Variants in CD69 observed in about 807,000 individuals in gnomAD.
CD69 encodes the protein CD69 molecule, also known as early activation antigen CD69.
CD69 carries 10 observed loss-of-function variants against 21.4 expected under a neutral mutation model. The observed-to-expected ratio is 0.47, with a 90% CI of 0.29 to 0.79. CD69 has a LOEUF of 0.79. CD69 is among the 30% of genes least tolerant of loss of function. CD69 has a pLI of 0.09. For missense variants in CD69, 204 were observed against 236.9 expected, an observed-to-expected ratio of 0.86 and a Z score of 0.91; for synonymous variants, 63 against 78.2, an observed-to-expected ratio of 0.81 and a Z score of 1.03.
At chr12:9,755,728 A>G (rs963809820) in intron 2 of CD69, among the ~76,000 whole-genome samples, 27 of 152,250 alleles carry the variant, frequency 1.8e-4, no homozygotes, top group African/African-American at 6.5e-4. Context: ...CATATGACTC[A>G]GAATATCTCA....
At chr12:9,759,365 C>G (rs1866711875) in intron 1 of CD69, among the ~76,000 whole-genome samples, 1 of 152,064 alleles carries the variant, frequency 6.6e-6, no homozygotes, top group African/African-American at 2.4e-5. Context: ...GGATAACGTC[C>G]AAGGATGACT....
chr12:9,753,633 T>A (rs756958231), intron 4 of CD69, 44 bp from the exon 5 acceptor site: 1 of 925,778 alleles, frequency 1.1e-6, no homozygotes, highest in African/African-American at 1.7e-5. Flanking sequence ...CAGCTCATTG[T>A]TTTCATTCAG....
intron 4 of CD69, chr12:9,754,158 C>T (rs992945969): frequency 1.3e-5 from 2 of 154,638 alleles, no homozygotes; most frequent in South Asian, 2.0e-4. Flanking sequence ...TGTATAGAAA[C>T]TCATAATTAG....
chr12:9,759,188 C>G (rs1180005079), intron 1 of CD69, among the ~76,000 whole-genome samples: 1 of 152,166 alleles, frequency 6.6e-6, no homozygotes, highest in South Asian at 2.1e-4. Flanking sequence ...CTCGGCCTCC[C>G]AAAGTGCTGG....
intron 4 of CD69, among the ~76,000 whole-genome samples, chr12:9,753,815 G>T (rs920608411): frequency 3.9e-5 from 6 of 152,156 alleles, no homozygotes; most frequent in African/African-American, 1.4e-4. Flanking sequence ...CCATTCATTT[G>T]GTTGGCATGG....
chr12:9,760,890 C>G lies in CD69; in HGVS notation c.-70G>C, dbSNP rs1866728706. ...TACAGTGAAAGTCTTTGCTGGAGCT[C>G]TTGTTGAGTCTGTGAGGCTCTGAGG... On this transcript the variant is annotated 5_prime_UTR_variant, in exon 1 of 5. Transcript: ENST00000228434. 2 of 1,268,810 alleles carry G rather than the reference C, an allele frequency of 1.6e-6. No homozygotes were observed. The highest frequency in any genetic ancestry group is 2.3e-6 in the Non-Finnish European group (2 of 875,316). The allele number at this position is 1,268,810 out of a possible 1,614,324, so 78.6% of individuals were successfully genotyped here. A position where few individuals can be genotyped will look rare whatever the true frequency, so the allele number is the denominator to read the frequency against.
chr12:9,760,883 T>G lies in CD69; in HGVS notation c.-63A>C. On this transcript the variant is annotated 5_prime_UTR_variant, in exon 1 of 5. Coordinates refer to ENST00000228434, the MANE Select transcript of CD69 (RefSeq NM_001781.2). ...GTCAAGCTACAGTGAAAGTCTTTGC[T>G]GGAGCTCTTGTTGAGTCTGTGAGGC... The G allele has an allele frequency of 1.5e-6, 2 of 1,367,630 alleles. No individual in the cohort carries two copies. The highest frequency in any genetic ancestry group is 2.1e-6 in the Non-Finnish European group (2 of 964,058). 84.7% of individuals were successfully genotyped at this position (1,367,630 alleles called of 1,614,324 possible). A position where few individuals can be genotyped will look rare whatever the true frequency, so the allele number is the denominator to read the frequency against.
chr12:9,759,528 C>T (rs1371405304), intron 1 of CD69, among the ~76,000 whole-genome samples: 2 of 150,822 alleles, frequency 1.3e-5, no homozygotes, highest in Non-Finnish European at 2.9e-5. Flanking sequence ...GGCGGCACAC[C>T]TGTGCCGTAA....
chr12:9,757,085 A>T (rs764782876), intron 1 of CD69, among the ~76,000 whole-genome samples: 2 of 152,180 alleles, frequency 1.3e-5, no homozygotes, highest in East Asian at 3.9e-4. Context: ...GTCTAAAAAA[A>T]TAAATAAATA....
In CD69 at chr12:9,756,341, A is replaced by G. The variant is rs374227742; in HGVS notation, c.143T>C (p.Val48Ala). The G allele has an allele frequency of 1.5e-5, 25 of 1,613,304 alleles. No homozygotes were observed. Among genetic ancestry groups the G allele is most frequent in the South Asian group, 1.3e-4 (12 of 91,056 alleles). The change falls in exon 2 of 5, where the codon GTG (valine) becomes GCG (alanine). Residue 48 changes from valine to alanine, a missense_variant. By Grantham distance (64) the Val-to-Ala change is moderately conservative. Coordinates refer to ENST00000228434, the MANE Select transcript of CD69 (RefSeq NM_001781.2). ...QVPVLCAVMNVVFITILIIAL... is the reference protein window; with the variant it reads ...QVPVLCAVMNAVFITILIIAL... ...TATGATTAAAATGGTGATGAAGACC[A>G]CATTCATTACAGCACACAGGACAGG...
At chr12:9,759,143 A>G (rs1001914193) in intron 1 of CD69, among the ~76,000 whole-genome samples, 1 of 152,036 alleles carries the variant, frequency 6.6e-6, no homozygotes, top group Non-Finnish European at 1.5e-5. Flanking sequence ...GTTAGCCAGG[A>G]TGGTCTCCAT....
intron 4 of CD69, 172 bp downstream of exon 4, chr12:9,754,413 GAA>G: frequency 2.1e-6 from 1 of 476,230 alleles, no homozygotes; most frequent in Non-Finnish European, 3.8e-6. Context: ...TAAAGAAAAA[GAA>G]TAATAATAAA....
intron 1 of CD69, among the ~76,000 whole-genome samples, chr12:9,758,521 G>C (rs1006816952): frequency 1.3e-5 from 2 of 152,022 alleles, no homozygotes; most frequent in Non-Finnish European, 2.9e-5. Flanking sequence ...AATTTACTGG[G>C]TACTGGTGTC....
intron 1 of CD69, among the ~76,000 whole-genome samples, 177 bp from the exon 2 acceptor site, chr12:9,756,596 A>C (rs1866681477): frequency 1.3e-5 from 2 of 152,288 alleles, no homozygotes; most frequent in Middle Eastern, 3.4e-3. Flanking sequence ...GAATTTGAAT[A>C]GTTTATTGTT....
intron 1 of CD69, among the ~76,000 whole-genome samples, chr12:9,757,971 T>TTA (rs566204306): frequency 1.0e-3 from 158 of 152,070 alleles, no homozygotes; most frequent in Non-Finnish European, 2.0e-3. Flanking sequence ...GATGTTAAAA[T>TTA]AATAGAGGAA....
At chr12:9,759,484 GTTATTA>G (rs57945372) in intron 1 of CD69, among the ~76,000 whole-genome samples, 7 of 148,290 alleles carry the variant, frequency 4.7e-5, no homozygotes, top group Middle Eastern at 7.1e-3. Flanking sequence ...TTATTGAGTA[GTTATTA>G]TTATTATTAT....
chr12:9,755,260 C>T lies in CD69; in HGVS notation c.189G>A (p.Val63=). 6.2e-7 allele frequency: 1 copy of T among 1,612,678 alleles called. No individual in the cohort carries two copies. Residue 63 remains valine (V), a splice_region_variant and synonymous_variant, in exon 3 of 5, where the codon GTG becomes GTA. Coordinates refer to ENST00000228434, the MANE Select transcript of CD69 (RefSeq NM_001781.2). The part of the protein sequence containing the change: ...ILIIALIALS[V]GQYNCPGQYT... ...ATTGGCCTGGACAATTGTATTGGCC[C>T]ACTGTGAACAGAAAAATGCTTTGTT...
chr12:9,760,871 G>A lies in CD69; in HGVS notation c.-51C>T. ...ATCTCAGGTCAAGTCAAGCTACAGT[G>A]AAAGTCTTTGCTGGAGCTCTTGTTG... On this transcript the variant is annotated 5_prime_UTR_variant, in exon 1 of 5. Coordinates refer to ENST00000228434, the MANE Select transcript of CD69 (RefSeq NM_001781.2). The A allele has an allele frequency of 1.4e-6, 2 of 1,457,370 alleles. No homozygotes were observed. The highest frequency in any genetic ancestry group is 9.6e-7 in the Non-Finnish European group (1 of 1,044,608). 90.3% of individuals were successfully genotyped at this position (1,457,370 alleles called of 1,614,324 possible).
At chr12:9,759,074 C>A (rs1001799834) in intron 1 of CD69, among the ~76,000 whole-genome samples, 1 of 152,016 alleles carries the variant, frequency 6.6e-6, no homozygotes, top group African/African-American at 2.4e-5. Flanking sequence ...GGACTACAGG[C>A]GCCCGCCCCC....
Sources: allele counts gnomAD v4.1 joint callset (sites outside exome capture counted in the v4.1 genomes callset), GRCh38; gene constraint gnomAD v4.1.1; transcripts MANE v1.5; gene names NCBI Gene and HGNC (gene_info 2026-07-23, HGNC 2026-07-21).